Variants in CYBB observed in about 807,000 individuals in gnomAD.
The protein encoded by CYBB is NADPH oxidase 2.
CYBB carries 5 observed loss-of-function variants against 46.5 expected under a neutral mutation model. That is an observed-to-expected ratio of 0.11 (90% CI 0.06 to 0.23). CYBB has a LOEUF of 0.23. CYBB is among the 10% of genes least tolerant of loss of function. The pLI is 1.00. For missense variants in CYBB, 307 were observed against 428.3 expected, an observed-to-expected ratio of 0.72 and a Z score of 2.50; for synonymous variants, 183 against 156.7, an observed-to-expected ratio of 1.17 and a Z score of -1.26.
intron 7 of CYBB, among the ~76,000 whole-genome samples, chrX:37,800,272 C>T (rs1275790029): frequency 1.8e-5 from 2 of 111,373 alleles, no homozygotes; most frequent in Non-Finnish European, 3.8e-5. Context: ...TCCATGGTAG[C>T]ACTCAGGAAA....
intron 3 of CYBB, among the ~76,000 whole-genome samples, chrX:37,791,457 G>A (rs1309983624): frequency 1.8e-5 from 2 of 111,684 alleles, no homozygotes; most frequent in African/African-American, 3.3e-5. Flanking sequence ...GATCTCCCCT[G>A]TGATGTTGTT....
chrX:37,786,905 G>A (rs1335647535), intron 3 of CYBB, among the ~76,000 whole-genome samples: 1 of 104,969 alleles, frequency 9.5e-6, no homozygotes, highest in African/African-American at 3.4e-5. Flanking sequence ...CTGTCTCATA[G>A]TTTTTTTTTT....
In CYBB at chrX:37,813,221, T is replaced by A. The variant is rs1420601513; in HGVS notation, c.*2304T>A. ...CTGCCAGCCTAGCTTTTTTTTTTTT[T>A]TTTTTTTTTTAGCACTTAGTATTTA... is the stretch of plus-strand genomic sequence containing the variant. On this transcript the variant is annotated 3_prime_UTR_variant, in exon 13 of 13. Transcript: ENST00000378588. The A allele has an allele frequency of 9.3e-6, 1 of 107,088 alleles. No individual in the cohort carries two copies. Among genetic ancestry groups the A allele is most frequent in the Non-Finnish European group, 1.9e-5 (1 of 51,770 alleles). 8.8% of individuals were successfully genotyped at this position (107,088 alleles called of 1,213,427 possible). A position where few individuals can be genotyped will look rare whatever the true frequency, so the allele number is the denominator to read the frequency against.
At chrX:37,805,545 T>C (rs1203646490) in intron 10 of CYBB, among the ~76,000 whole-genome samples, 1 of 111,966 alleles carries the variant, frequency 8.9e-6, no homozygotes, top group Non-Finnish European at 1.9e-5. Flanking sequence ...TTTCATGTCC[T>C]GCTTTTAAAA....
At chrX:37,787,364 CT>C (rs1220223536) in intron 3 of CYBB, among the ~76,000 whole-genome samples, 2 of 111,875 alleles carry the variant, frequency 1.8e-5, no homozygotes, top group Non-Finnish European at 3.8e-5. Flanking sequence ...AAAAGTAGAG[CT>C]TTTGAGTTTC....
intron 2 of CYBB, 25 bp downstream of exon 2, chrX:37,782,208 A>C: frequency 1.0e-6 from 1 of 967,188 alleles, no homozygotes; most frequent in Non-Finnish European, 1.5e-6. Flanking sequence ...CATCCCATGC[A>C]ATATTGGCTG....
At chrX:37,806,870 G>GTCTCTCTC (rs1226125606) in intron 11 of CYBB, among the ~76,000 whole-genome samples, 1 of 104,457 alleles carries the variant, frequency 9.6e-6, no homozygotes, top group African/African-American at 3.9e-5. Flanking sequence ...CTCTCTCTCT[G>GTCTCTCTC]TCTCTCTGTC....
chrX:37,810,927 T>C lies in CYBB; in HGVS notation c.*10T>C. On this transcript the variant is annotated 3_prime_UTR_variant, in exon 13 of 13. Coordinates refer to ENST00000378588, the MANE Select transcript of CYBB (RefSeq NM_000397.4). The stretch of plus-strand genomic sequence containing the variant: ...CAAGGAAAACTTCTAACTTGTCTCT[T>C]CCATGAGGAAATAAATGTGGGTTGT... 1 of 1,202,862 alleles carries C rather than the reference T, an allele frequency of 8.3e-7. No homozygotes were observed. Among genetic ancestry groups the C allele is most frequent in the Non-Finnish European group, 1.1e-6 (1 of 888,324 alleles).
chrX:37,804,790 G>GT (rs1334206583), intron 9 of CYBB, among the ~76,000 whole-genome samples: 1 of 111,006 alleles, frequency 9.0e-6, no homozygotes, highest in Non-Finnish European at 1.9e-5. Flanking sequence ...GTTACCGAAT[G>GT]TTTTTGGTTA....
intron 10 of CYBB, among the ~76,000 whole-genome samples, chrX:37,805,697 G>C (rs1556471390): frequency 9.0e-6 from 1 of 110,582 alleles, no homozygotes; most frequent in Non-Finnish European, 1.9e-5. Flanking sequence ...TCAATTTCCA[G>C]CCGCGCCCCA....
chrX:37,812,392 A>T lies in CYBB; in HGVS notation c.*1475A>T, dbSNP rs934881498. The T allele has an allele frequency of 3.6e-5, 4 of 111,287 alleles. No individual in the cohort carries two copies. The highest frequency in any genetic ancestry group is 1.3e-4 in the African/African-American group (4 of 30,545). 9.2% of individuals were successfully genotyped at this position (111,287 alleles called of 1,213,427 possible). Reference sequence around the variant, plus strand: ...GAAAGAGCTGGGGGAAGGGCAGAAGACTGGTTTAGGAGGAAAAGGAAATAA... The same window carrying T: ...GAAAGAGCTGGGGGAAGGGCAGAAGTCTGGTTTAGGAGGAAAAGGAAATAA... On this transcript the variant is annotated 3_prime_UTR_variant, in exon 13 of 13. Coordinates refer to ENST00000378588, the MANE Select transcript of CYBB (RefSeq NM_000397.4).
chrX:37,796,847 G>A (rs1929320949), intron 6 of CYBB, among the ~76,000 whole-genome samples: 1 of 111,943 alleles, frequency 8.9e-6, no homozygotes, highest in African/African-American at 3.2e-5. Flanking sequence ...CACCTCTCTG[G>A]TAAGTGGCCC....
chrX:37,783,500 C>T lies in CYBB; in HGVS notation c.152C>T (p.Ala51Val), dbSNP rs1602174897. 8.3e-7 allele frequency: 1 copy of T among 1,203,607 alleles called. No individual in the cohort carries two copies. The highest frequency in any genetic ancestry group is 1.1e-6 in the Non-Finnish European group (1 of 888,098). ...TCCCGCCTCTTCTAGTCAGCACTGG[C>T]ACTGGCCAGGGCCCCTGCAGCCTGC... The part of the protein sequence containing the change: ...YTRKLLGSAL[A>V]LARAPAACLN... The change falls in exon 3 of 13, where the codon GCA becomes GTA. Residue 51 changes from alanine (A) to valine (V), a missense_variant. Physicochemically the swap from Ala to Val is moderately conservative, Grantham distance 64. This residue lies in a region of CYBB where 103 missense variants were observed against 150.2 expected (regional missense o/e 0.69). Coordinates refer to ENST00000378588, the MANE Select transcript of CYBB (RefSeq NM_000397.4).
chrX:37,781,967 T>C (rs1556464517), intron 1 of CYBB, 121 bp from the exon 2 acceptor site: 1 of 571,195 alleles, frequency 1.8e-6, no homozygotes, highest in Non-Finnish European at 3.1e-6. Context: ...TATATCCAGC[T>C]TTGTCACTAC....
At chrX:37,807,789 A>G (rs1298033828) in intron 11 of CYBB, among the ~76,000 whole-genome samples, 1 of 111,835 alleles carries the variant, frequency 8.9e-6, no homozygotes, top group African/African-American at 3.3e-5. Context: ...GGAGACCACT[A>G]TAATAAAGTA....
intron 12 of CYBB, among the ~76,000 whole-genome samples, chrX:37,810,500 G>A (rs1204810634): frequency 4.5e-5 from 5 of 111,919 alleles, no homozygotes; most frequent in East Asian, 5.6e-4. Context: ...AGTAGCCCAC[G>A]GACTCATGAA....
At chrX:37,783,861 C>T (rs540458740) in intron 3 of CYBB, among the ~76,000 whole-genome samples, 56 of 110,899 alleles carry the variant, frequency 5.0e-4, no homozygotes, top group African/African-American at 1.7e-3. Flanking sequence ...CACACGTACA[C>T]GTTTACACAC....
chrX:37,810,360 T>C (rs1435774536), intron 12 of CYBB, among the ~76,000 whole-genome samples: 1 of 112,244 alleles, frequency 8.9e-6, no homozygotes, highest in Non-Finnish European at 1.9e-5. Context: ...CCAAGGCTAC[T>C]GATCAGAAAC....
intron 1 of CYBB, among the ~76,000 whole-genome samples, chrX:37,780,667 A>G (rs1468466614): frequency 9.1e-6 from 1 of 110,433 alleles, no homozygotes. Context: ...ATTCAAAAGA[A>G]CAGAATTGAA....
Sources: allele counts gnomAD v4.1 joint callset (sites outside exome capture counted in the v4.1 genomes callset), GRCh38; gene constraint gnomAD v4.1.1; regional missense constraint gnomAD v4.1.1; transcripts MANE v1.5; gene names NCBI Gene and HGNC (gene_info 2026-07-23, HGNC 2026-07-21).